TBCD: variants seen among roughly 807,000 people sequenced by gnomAD.
TBCD encodes tubulin-specific chaperone D.
Under a neutral mutation model 169.3 loss-of-function variants are expected in TBCD, and 105 were observed. The ratio of observed to expected loss-of-function variants is 0.62; its 90% CI spans 0.53 to 0.73. The LOEUF (loss-of-function observed/expected upper bound fraction) is 0.73. TBCD is among the 30% of genes least tolerant of loss of function. The probability of loss-of-function intolerance (pLI) is 0.00; values close to 1 mark genes in which losing one functional copy is unlikely to be tolerated. For missense variants in TBCD, 1,444 were observed against 1,600.1 expected, an observed-to-expected ratio of 0.90 and a Z score of 1.66; for synonymous variants, 700 against 643.9, an observed-to-expected ratio of 1.09 and a Z score of -1.32.
intron 8 of TBCD, among the ~76,000 whole-genome samples, chr17:82,800,164 C>T (rs572178219): frequency 6.6e-6 from 1 of 152,254 alleles, no homozygotes; most frequent in South Asian, 2.1e-4. Flanking sequence ...ATTTCACTTC[C>T]AGCCCATCTC....
At chr17:82,778,808 T>A (rs1234468531) in intron 6 of TBCD, among the ~76,000 whole-genome samples, 1 of 151,732 alleles carries the variant, frequency 6.6e-6, no homozygotes, top group East Asian at 1.9e-4. Context: ...ATTACAGGTG[T>A]GCGCCAGCAC....
At chr17:82,837,026 C>T (rs993471067) in intron 13 of TBCD, among the ~76,000 whole-genome samples, 17 of 152,114 alleles carry the variant, frequency 1.1e-4, no homozygotes, top group Non-Finnish European at 2.5e-4. Context: ...TTGGATAAAC[C>T]GACCTCTCAG....
chr17:82,821,501 G>A (rs780808066), intron 13 of TBCD, among the ~76,000 whole-genome samples: 3 of 152,184 alleles, frequency 2.0e-5, no homozygotes, highest in Middle Eastern at 3.2e-3. Flanking sequence ...TACCCACTGT[G>A]TGGCTAAAGC....
At chr17:82,859,694 G>A (rs1420975124) in intron 13 of TBCD, 1 of 985,350 alleles carries the variant, frequency 1.0e-6, no homozygotes, top group Non-Finnish European at 1.2e-6. Flanking sequence ...GGAGGCCAGG[G>A]CTTGCCCGCC....
chr17:82,911,882 C>G, intron 23 of TBCD, 93 bp downstream of exon 23: 1 of 1,368,072 alleles, frequency 7.3e-7, no homozygotes, highest in Non-Finnish European at 1.0e-6. Flanking sequence ...GGCCCATTAG[C>G]CCCCAGGGTG....
intron 13 of TBCD, among the ~76,000 whole-genome samples, chr17:82,861,823 T>C (rs2056789760): frequency 6.6e-6 from 1 of 152,248 alleles, no homozygotes; most frequent in Non-Finnish European, 1.5e-5. Flanking sequence ...GTTCTGTTAG[T>C]ATTACAGCTT....
chr17:82,810,436 C>G (rs189528307), intron 12 of TBCD, among the ~76,000 whole-genome samples: 4 of 152,178 alleles, frequency 2.6e-5, no homozygotes, highest in Admixed American at 1.3e-4. Context: ...GAGTGAGACC[C>G]GGTCTCAGAA....
chr17:82,775,086 G>T (rs1184639051), intron 6 of TBCD, among the ~76,000 whole-genome samples: 3 of 152,376 alleles, frequency 2.0e-5, no homozygotes, highest in East Asian at 3.9e-4. Context: ...CCTCCGTGGG[G>T]TCCTCCGGGA....
intron 14 of TBCD, among the ~76,000 whole-genome samples, chr17:82,875,309 G>A (rs2057885711): frequency 6.6e-6 from 1 of 152,214 alleles, no homozygotes; most frequent in Non-Finnish European, 1.5e-5. Flanking sequence ...GAGAAGCCAA[G>A]TGCAATTTAG....
At chr17:82,848,112 T>C (rs2055304938) in intron 13 of TBCD, among the ~76,000 whole-genome samples, 1 of 152,180 alleles carries the variant, frequency 6.6e-6, no homozygotes, top group Non-Finnish European at 1.5e-5. Flanking sequence ...GTGGCAGGGC[T>C]GGCAGTTTCT....
intron 23 of TBCD, among the ~76,000 whole-genome samples, chr17:82,919,848 A>G (rs1389354823): frequency 6.6e-6 from 1 of 152,178 alleles, no homozygotes; most frequent in Non-Finnish European, 1.5e-5. Flanking sequence ...CGGCCTCCGC[A>G]TCTGTAGCAC....
intron 20 of TBCD, among the ~76,000 whole-genome samples, chr17:82,907,216 C>T (rs2146832959): frequency 6.6e-6 from 1 of 152,380 alleles, no homozygotes; most frequent in Non-Finnish European, 1.5e-5. Flanking sequence ...CCCCGCATGC[C>T]AGCCCAGGTC....
In TBCD at chr17:82,831,384, A is replaced by G. The variant is rs1222546863; in HGVS notation, c.1318+16450A>G. On this transcript the variant is annotated intron_variant, in intron 13 of 38. Coordinates refer to ENST00000355528, the MANE Select transcript of TBCD (RefSeq NM_005993.5). This position sits in a 1 kb window ranked among gnomAD's most constrained non-coding sequence, Gnocchi z 4.6. The stretch of plus-strand genomic sequence containing the variant: ...TTAACCTGGAAGGACTCGAGGCTGG[A>G]TAGACCAGGGTGGCTTCTTCAAGCA... The G allele has an allele frequency of 6.2e-7, 1 of 1,614,028 alleles. No homozygotes were observed. The highest frequency in any genetic ancestry group is 1.3e-5 in the African/African-American group (1 of 74,914).
intron 13 of TBCD, among the ~76,000 whole-genome samples, chr17:82,865,985 T>G (rs1163610585): frequency 6.6e-6 from 1 of 152,266 alleles, no homozygotes; most frequent in Non-Finnish European, 1.5e-5. Flanking sequence ...ATACGCGACA[T>G]GCATTTGCTG....
At chr17:82,865,786 G>C (rs530078758) in intron 13 of TBCD, among the ~76,000 whole-genome samples, 5 of 152,332 alleles carry the variant, frequency 3.3e-5, no homozygotes, top group Admixed American at 2.0e-4. Flanking sequence ...GATCCCTTCT[G>C]CCCCTTGGGG....
Position 82,832,656 on chromosome 17 carries a change from T to C in TBCD, c.1318+17722T>C, listed in dbSNP as rs2053619969. On this transcript the variant is annotated intron_variant, in intron 13 of 38. Coordinates refer to ENST00000355528, the MANE Select transcript of TBCD (RefSeq NM_005993.5). This position sits in a 1 kb window ranked among gnomAD's most constrained non-coding sequence, Gnocchi z 4.9. ...TGGGAGCTGTAATAAAGAGCAGTCTTGGTGTCAGGACAGCGAGTGAGGGGT... is the reference window on the plus strand; with the variant it reads ...TGGGAGCTGTAATAAAGAGCAGTCTCGGTGTCAGGACAGCGAGTGAGGGGT... 1.6e-6 allele frequency: 1 copy of C among 617,094 alleles called. No homozygotes were observed. The highest frequency in any genetic ancestry group is 2.9e-6 in the Non-Finnish European group (1 of 349,674). 38.2% of individuals were successfully genotyped at this position (617,094 alleles called of 1,614,324 possible). A position where few individuals can be genotyped will look rare whatever the true frequency, so the allele number is the denominator to read the frequency against.
In TBCD at chr17:82,835,587, T is replaced by G. The variant is rs2053899557; in HGVS notation, c.1318+20653T>G. 6.6e-6 allele frequency among the ~76,000 whole-genome samples: 1 copy of G among 152,076 alleles called. No homozygotes were observed. Among genetic ancestry groups the G allele is most frequent in the African/African-American group, 2.4e-5 (1 of 41,420 alleles). On this transcript the variant is annotated intron_variant, in intron 13 of 38. Transcript: ENST00000355528. This position sits in a 1 kb window ranked among gnomAD's most constrained non-coding sequence, Gnocchi z 4.5. ...ACAGGTGCCTACCACCACGCCCAGC[T>G]AATTTTTTTGTAATTTTAGTAGAGA...
intron 18 of TBCD, among the ~76,000 whole-genome samples, chr17:82,901,005 T>C: frequency 6.6e-6 from 1 of 152,220 alleles, no homozygotes; most frequent in East Asian, 1.9e-4. Context: ...GCCGCTGCCG[T>C]CCGAGGGGGC....
At chr17:82,810,620 C>G (rs1235654983) in intron 12 of TBCD, among the ~76,000 whole-genome samples, 1 of 152,200 alleles carries the variant, frequency 6.6e-6, no homozygotes, top group African/African-American at 2.4e-5. Context: ...CTGGTGTGCT[C>G]ACACGTGTGA....
Sources: gnomAD v4.1 joint callset for allele counts (sites outside exome capture counted in the v4.1 genomes callset) on GRCh38, gnomAD v4.1.1 for gene constraint, Gnocchi (gnomAD v3.1) non-coding constraint, MANE v1.5 for transcripts, NCBI Gene and HGNC (gene_info 2026-07-23, HGNC 2026-07-21) for gene names.